Variants in MYCBP2 observed in about 807,000 individuals in gnomAD.
MYCBP2 encodes MYC binding protein 2, also known as E3 ubiquitin-protein ligase MYCBP2.
A neutral mutation model predicts 525.3 loss-of-function variants in MYCBP2; 120 were observed. The observed-to-expected ratio is 0.23, with a 90% confidence interval of 0.20 to 0.27. The LOEUF (loss-of-function observed/expected upper bound fraction) is 0.27. Among genes scored for constraint, MYCBP2 ranks in the 10% least tolerant of loss-of-function variants. The pLI, the probability that MYCBP2 is intolerant of heterozygous loss-of-function variation, is 1.00. For synonymous variants in MYCBP2, 1,894 were observed against 1,955.8 expected (o/e 0.97, Z 0.83); for missense variants, 4,149 against 5,657.1 (o/e 0.73, Z 8.55).
chr13:77,255,784 A>G (rs2072080023), intron 14 of MYCBP2, among the ~76,000 whole-genome samples: 1 of 152,016 alleles, frequency 6.6e-6, no homozygotes, highest in African/African-American at 2.4e-5. Context: ...TCTGAGATCC[A>G]GATGAGTCTG....
chr13:77,109,076 G>A (rs1367491821), intron 55 of MYCBP2, among the ~76,000 whole-genome samples: 6 of 152,184 alleles, frequency 3.9e-5, no homozygotes, highest in Middle Eastern at 3.2e-3. Flanking sequence ...ATGGGAATAC[G>A]TGTTAATTAG....
Position 77,097,712 on chromosome 13 carries a change from T to C in MYCBP2, c.9442A>G (p.Asn3148Asp). ...TETTFEMSMH[N>D]TMKSKSPLPL... ...AGAGGAGACTTAGACTTCATTGTGT[T>C]ATGCATGGACATTTCAAAAGTGGTC... Residue 3148 changes from asparagine (N) to aspartate (D), a missense_variant, in exon 56 of 83, where the codon AAC becomes GAC. Physicochemically the swap from Asn to Asp is conservative, Grantham distance 23. Transcript: ENST00000544440. The C allele has an allele frequency of 6.2e-7, 1 of 1,613,712 alleles. No individual in the cohort carries two copies. Among genetic ancestry groups the C allele is most frequent in the Non-Finnish European group, 8.5e-7 (1 of 1,179,816 alleles).
chr13:77,070,727 G>GAAA lies in MYCBP2; in HGVS notation c.11824-19_11824-17dup. 2.6e-5 allele frequency: 28 copies of GAAA among 1,093,844 alleles called. No homozygotes were observed. The highest frequency in any genetic ancestry group is 1.0e-4 in the South Asian group (6 of 57,262). 67.8% of individuals were successfully genotyped at this position (1,093,844 alleles called of 1,614,324 possible). A position where few individuals can be genotyped will look rare whatever the true frequency, so the allele number is the denominator to read the frequency against. On this transcript the variant is annotated splice_polypyrimidine_tract_variant and intron_variant, in intron 68 of 82. Transcript: ENST00000544440. ...CTGATGTTGCCTTTACATAGAAAAA[G>GAAA]AAAAAAAAAAAAAAGAATGAAGTGG...
intron 69 of MYCBP2, among the ~76,000 whole-genome samples, chr13:77,069,868 GAA>G (rs976477032): frequency 7.1e-6 from 1 of 141,604 alleles, no homozygotes. Flanking sequence ...ACTCCCTCTC[GAA>G]AAAAAAAAAA....
intron 73 of MYCBP2, among the ~76,000 whole-genome samples, chr13:77,063,699 A>T (rs1401899203): frequency 6.6e-6 from 1 of 152,172 alleles, no homozygotes; most frequent in Non-Finnish European, 1.5e-5. Flanking sequence ...AACTAGCTCA[A>T]CTCTAAGAAG....
At chr13:77,059,424 A>G (rs1566319598) in intron 77 of MYCBP2, 99 bp downstream of exon 77, 1 of 876,676 alleles carries the variant, frequency 1.1e-6, no homozygotes, top group Admixed American at 1.8e-5. Context: ...CTCATTTAGG[A>G]AGCTGGAGTG....
At chr13:77,134,061 G>C (rs142271901) in intron 52 of MYCBP2, among the ~76,000 whole-genome samples, 1 of 152,044 alleles carries the variant, frequency 6.6e-6, no homozygotes, top group African/African-American at 2.4e-5. Flanking sequence ...TTTACTAAAT[G>C]AGCAATTAAT....
At chr13:77,299,740 C>G (rs563742466) in intron 1 of MYCBP2, among the ~76,000 whole-genome samples, 2 of 152,142 alleles carry the variant, frequency 1.3e-5, no homozygotes, top group Non-Finnish European at 1.5e-5. Context: ...TCAATCGAAG[C>G]TTAATGAAGA....
intron 26 of MYCBP2, among the ~76,000 whole-genome samples, chr13:77,202,854 C>T (rs2062802613): frequency 6.6e-6 from 1 of 152,142 alleles, no homozygotes; most frequent in Non-Finnish European, 1.5e-5. Flanking sequence ...ACCCTTCATG[C>T]TAAAAACTCT....
intron 14 of MYCBP2, among the ~76,000 whole-genome samples, chr13:77,251,983 C>A (rs1175773610): frequency 3.3e-5 from 5 of 152,138 alleles, no homozygotes; most frequent in African/African-American, 1.2e-4. Context: ...CTGCCTATCT[C>A]ATCTAGTAGA....
At chr13:77,190,110 T>C (rs2061155143) in intron 29 of MYCBP2, 142 bp downstream of exon 29, 2 of 458,188 alleles carry the variant, frequency 4.4e-6, no homozygotes, top group South Asian at 5.7e-5. Context: ...TTTTGTTAAA[T>C]ATATTTATAG....
At chr13:77,279,387 A>G (rs766517184) in intron 3 of MYCBP2, among the ~76,000 whole-genome samples, 1 of 152,168 alleles carries the variant, frequency 6.6e-6, no homozygotes, top group Non-Finnish European at 1.5e-5. Context: ...TTATCTTACT[A>G]TTCCTCATCA....
rs767218062 is a variant in MYCBP2, at chr13:77,191,767, CA to C, written c.3981del (p.Trp1329GlyfsTer79). The C allele has an allele frequency of 6.2e-7, 1 of 1,614,122 alleles. No homozygotes were observed. Among genetic ancestry groups the C allele is most frequent in the Non-Finnish European group, 8.5e-7 (1 of 1,180,012 alleles). ...MMFDEPVLLQ[A>X]GWWYVAWARV... ...CGGGCCCATGCCACATACCACCACC[CA>C]GCTTGCAGGAGAACAGGCTCATCAA... On this transcript the variant is annotated frameshift_variant, in exon 28 of 83. Coordinates refer to ENST00000544440, the MANE Select transcript of MYCBP2 (RefSeq NM_015057.5). LOFTEE classifies it high-confidence loss of function.
intron 1 of MYCBP2, among the ~76,000 whole-genome samples, chr13:77,307,541 G>T (rs181909702): frequency 7.1e-6 from 1 of 140,952 alleles, no homozygotes; most frequent in African/African-American, 2.6e-5. Context: ...TGGGAAGATC[G>T]CTTTGGTCCA....
At chr13:77,178,379 TG>T (rs1285986984) in intron 34 of MYCBP2, among the ~76,000 whole-genome samples, 1 of 152,248 alleles carries the variant, frequency 6.6e-6, no homozygotes, top group Non-Finnish European at 1.5e-5. Flanking sequence ...GGTAAATTTA[TG>T]GTTCCCCTCT....
intron 26 of MYCBP2, among the ~76,000 whole-genome samples, chr13:77,201,927 C>T (rs2062636549): frequency 6.6e-6 from 1 of 151,912 alleles, no homozygotes; most frequent in East Asian, 1.9e-4. Flanking sequence ...ACTAAATGCC[C>T]ACAAGAGGAA....
intron 46 of MYCBP2, among the ~76,000 whole-genome samples, chr13:77,154,614 T>G (rs138314951): frequency 6.6e-6 from 1 of 152,158 alleles, no homozygotes; most frequent in East Asian, 1.9e-4. Flanking sequence ...GAACATGGTA[T>G]TAGAATGTTG....
intron 17 of MYCBP2, 61 bp downstream of exon 17, chr13:77,242,998 G>C: frequency 7.1e-7 from 1 of 1,401,140 alleles, no homozygotes; most frequent in East Asian, 2.3e-5. Flanking sequence ...CTTTTCAGTG[G>C]TTTCAGGATA....
At chr13:77,129,271 A>G (rs970166716) in intron 52 of MYCBP2, 11 of 396,866 alleles carry the variant, frequency 2.8e-5, no homozygotes, top group African/African-American at 2.3e-4. Context: ...TCAACAAAGA[A>G]AGGGAACAGG....
Sources: allele counts gnomAD v4.1 joint callset (sites outside exome capture counted in the v4.1 genomes callset), GRCh38; gene constraint gnomAD v4.1.1; transcripts MANE v1.5; gene names NCBI Gene and HGNC (gene_info 2026-07-23, HGNC 2026-07-21).